DTNB: variants seen among roughly 807,000 people sequenced by gnomAD.
The protein encoded by DTNB is dystrobrevin beta.
DTNB carries 63 observed loss-of-function variants against 90.7 expected under a neutral mutation model. The observed-to-expected ratio is 0.69, with a 90% CI of 0.57 to 0.86. The LOEUF (loss-of-function observed/expected upper bound fraction) is 0.86. Among genes scored for constraint, DTNB ranks in the 40% least tolerant of loss-of-function variants. The pLI, the probability that DTNB is intolerant of heterozygous loss-of-function variation, is 0.00. For missense variants in DTNB, 744 were observed against 807.1 expected (o/e 0.92, Z 0.95); for synonymous variants, 277 against 286.7 (o/e 0.97, Z 0.34).
rs563690725 is a variant in DTNB at position 25,408,342 on chromosome 2, C to T, written c.1575+11173G>A. On this transcript the variant is annotated intron_variant, in intron 16 of 20. Coordinates refer to ENST00000406818, the MANE Select transcript of DTNB (RefSeq NM_021907.5). Reference sequence around the variant, plus strand: ...AAAAAGAGTTCGAGACCAGCTTGGCCAACATAATGAAATCCCATCTCTACC... The same window carrying T: ...AAAAAGAGTTCGAGACCAGCTTGGCTAACATAATGAAATCCCATCTCTACC... Among the ~76,000 whole-genome samples, 11 of 151,202 alleles carry T rather than the reference C, an allele frequency of 7.3e-5. No homozygotes were observed. In the South Asian group the frequency reaches 2.1e-3, roughly 29 times the overall value.
In DTNB at chr2:25,628,321, T is replaced by C; in HGVS notation, c.212A>G (p.Asp71Gly). The change falls in exon 4 of 21, where the codon GAC (aspartate) becomes GGC (glycine). Residue 71 changes from aspartate to glycine, a missense_variant. Transcript: ENST00000406818. The stretch of plus-strand genomic sequence containing the variant: ...GGACACACTGATCTCGGTGGTATGG[T>C]CCAGTGTATTAAGGCCATTGTCTCG... The part of the protein sequence containing the change: ...AFRDNGLNTL[D>G]HTTEISVSRL... 6.2e-7 allele frequency: 1 copy of C among 1,611,310 alleles called. No individual in the cohort carries two copies. Among genetic ancestry groups the C allele is most frequent in the Non-Finnish European group, 8.5e-7 (1 of 1,179,038 alleles).
chr2:25,442,213 G>C (rs933852749), intron 12 of DTNB, among the ~76,000 whole-genome samples: 11 of 152,210 alleles, frequency 7.2e-5, no homozygotes, highest in African/African-American at 2.4e-4. Flanking sequence ...TTACAGAGAG[G>C]AATCTGATAG....
chr2:25,387,832 T>C lies in DTNB; in HGVS notation c.1735+370A>G, dbSNP rs917541997. On this transcript the variant is annotated intron_variant, in intron 17 of 20. Transcript: ENST00000406818. This position sits in a 1 kb window ranked among gnomAD's most constrained non-coding sequence, Gnocchi z 4.5. Reference sequence around the variant, plus strand: ...CCGATGACTGTGACAATGGCGTGCATACTGTGCTTTCAGCACGGTCCCAGT... The same window carrying C: ...CCGATGACTGTGACAATGGCGTGCACACTGTGCTTTCAGCACGGTCCCAGT... Among the ~76,000 whole-genome samples, 8 of 152,256 alleles carry C rather than the reference T, an allele frequency of 5.3e-5. No individual in the cohort carries two copies. The highest frequency in any genetic ancestry group is 1.2e-4 in the Non-Finnish European group (8 of 68,048).
chr2:25,546,107 T>C (rs1178142737), intron 8 of DTNB, among the ~76,000 whole-genome samples: 1 of 152,166 alleles, frequency 6.6e-6, no homozygotes, highest in African/African-American at 2.4e-5. Flanking sequence ...AACTGTCTGT[T>C]CCTACCTCAG....
At chr2:25,628,140 A>G in intron 4 of DTNB, 31 bp downstream of exon 4, 1 of 1,600,926 alleles carries the variant, frequency 6.2e-7, no homozygotes, top group Non-Finnish European at 8.6e-7. Flanking sequence ...TCTTAAAATG[A>G]AGTAAGCGTG....
At chr2:25,462,946 A>G (rs111400088) in intron 10 of DTNB, among the ~76,000 whole-genome samples, 3,451 of 151,706 alleles carry the variant, frequency 0.023, 133 homozygotes, top group African/African-American at 0.079. Context: ...CTCGTGATCC[A>G]CCCGCCTCGG....
At chr2:25,532,502 C>A (rs2078435778) in intron 8 of DTNB, among the ~76,000 whole-genome samples, 1 of 152,088 alleles carries the variant, frequency 6.6e-6, no homozygotes, top group Non-Finnish European at 1.5e-5. Flanking sequence ...AGTTGGCATA[C>A]CAATACATTC....
intron 10 of DTNB, among the ~76,000 whole-genome samples, chr2:25,471,611 G>C (rs2062826673): frequency 6.6e-6 from 1 of 152,052 alleles, no homozygotes; most frequent in South Asian, 2.1e-4. Flanking sequence ...GGCCAGGTTG[G>C]TCTCAAACTT....
rs540149031 is a variant in DTNB, at chr2:25,606,760, A to T, written c.448+476T>A. Among the ~76,000 whole-genome samples the T allele has an allele frequency of 1.8e-3, 280 of 152,254 alleles. 2 individuals carry two copies. Among genetic ancestry groups the T allele is most frequent in the African/African-American group, 6.4e-3 (264 of 41,566 alleles). On this transcript the variant is annotated intron_variant, in intron 5 of 20. Transcript: ENST00000406818. ...TAGCAAAGATAACAGGAATTTTTTTAAAAAAACAGGTCATCAGCTTCTAAA... is the reference window on the plus strand; with the variant it reads ...TAGCAAAGATAACAGGAATTTTTTTTAAAAAACAGGTCATCAGCTTCTAAA...
intron 2 of DTNB, 82 bp from the exon 3 acceptor site, chr2:25,639,176 T>C: frequency 7.4e-7 from 1 of 1,356,238 alleles, no homozygotes; most frequent in Admixed American, 2.2e-5. Context: ...TTCTATTGTA[T>C]TGTCATAGTA....
chr2:25,455,535 C>T, intron 10 of DTNB, 41 bp from the exon 11 acceptor site: 1 of 1,522,660 alleles, frequency 6.6e-7, no homozygotes, highest in African/African-American at 1.4e-5. Flanking sequence ...GTGACACAAA[C>T]ACATACAGAG....
chr2:25,494,490 T>C (rs937833050), intron 9 of DTNB, among the ~76,000 whole-genome samples: 10 of 16,840 alleles, frequency 5.9e-4, no homozygotes, highest in African/African-American at 2.0e-3. Flanking sequence ...GAGGGGGGAG[T>C]GCGGGGGTGG....
chr2:25,428,615 T>G (rs544802707), intron 14 of DTNB, among the ~76,000 whole-genome samples: 1 of 152,068 alleles, frequency 6.6e-6, no homozygotes, highest in Non-Finnish European at 1.5e-5. Context: ...GTATTTTTAG[T>G]AGAGATGGAG....
At chr2:25,416,375 T>C (rs1411488431) in intron 16 of DTNB, among the ~76,000 whole-genome samples, 1 of 152,260 alleles carries the variant, frequency 6.6e-6, no homozygotes, top group Non-Finnish European at 1.5e-5. Flanking sequence ...ACAATTCTTT[T>C]CTTTTTAAAA....
At chr2:25,567,776 T>C (rs1335378790) in intron 8 of DTNB, among the ~76,000 whole-genome samples, 1 of 152,190 alleles carries the variant, frequency 6.6e-6, no homozygotes, top group Non-Finnish European at 1.5e-5. Flanking sequence ...ATCAGATCTA[T>C]CTTGGTAAAG....
chr2:25,415,358 T>C (rs901557802), intron 16 of DTNB, among the ~76,000 whole-genome samples: 4 of 151,458 alleles, frequency 2.6e-5, no homozygotes, highest in African/African-American at 7.3e-5. Flanking sequence ...GCGATTCTCC[T>C]GCCTCAGCCT....
intron 1 of DTNB, among the ~76,000 whole-genome samples, chr2:25,654,321 A>G (rs1314121542): frequency 6.6e-6 from 1 of 152,194 alleles, no homozygotes; most frequent in African/African-American, 2.4e-5. Flanking sequence ...CCCATGGGAC[A>G]TTTAGCAATA....
chr2:25,479,849 T>G (rs560642141), intron 10 of DTNB, among the ~76,000 whole-genome samples: 35 of 152,354 alleles, frequency 2.3e-4, no homozygotes, highest in Admixed American at 1.7e-3. Flanking sequence ...CGTCTTAGGA[T>G]GAGTTCTAAA....
intron 6 of DTNB, among the ~76,000 whole-genome samples, chr2:25,585,595 A>G (rs1250032090): frequency 6.6e-6 from 1 of 152,230 alleles, no homozygotes; most frequent in Non-Finnish European, 1.5e-5. Context: ...ATAAAATAAC[A>G]TGAGAAAATA....
Sources: allele counts gnomAD v4.1 joint callset (sites outside exome capture counted in the v4.1 genomes callset), GRCh38; gene constraint gnomAD v4.1.1; non-coding constraint Gnocchi (gnomAD v3.1); transcripts MANE v1.5; gene names NCBI Gene and HGNC (gene_info 2026-07-23, HGNC 2026-07-21).